TANGO6: variants seen among roughly 807,000 people sequenced by gnomAD.
TANGO6 encodes transport and golgi organization 6 homolog.
TANGO6 carries 90 observed loss-of-function variants against 114.2 expected under a neutral mutation model. The ratio of observed to expected loss-of-function variants is 0.79; its 90% CI spans 0.66 to 0.94. The LOEUF (loss-of-function observed/expected upper bound fraction) is 0.94, where lower values mean the gene tolerates loss of function less well. Ranked by LOEUF, TANGO6 falls within the 40% of genes least tolerant of loss-of-function variation. The probability of loss-of-function intolerance (pLI) is 0.00; values close to 1 mark genes in which losing one functional copy is unlikely to be tolerated. For synonymous variants in TANGO6, 477 were observed against 509.8 expected, an observed-to-expected ratio of 0.94 and a Z score of 0.87; for missense variants, 1,274 against 1,315.3, an observed-to-expected ratio of 0.97 and a Z score of 0.49.
At chr16:68,893,564 C>T (rs145050843) in intron 7 of TANGO6, among the ~76,000 whole-genome samples, 75 of 151,826 alleles carry the variant, frequency 4.9e-4, no homozygotes, top group Middle Eastern at 6.8e-3. Context: ...ATGGTGAAAC[C>T]GTGTCTACTA....
intron 17 of TANGO6, among the ~76,000 whole-genome samples, chr16:69,068,478 G>C (rs1457374371): frequency 1.3e-5 from 2 of 152,256 alleles, no homozygotes; most frequent in East Asian, 1.9e-4. Context: ...AGTTAATGTA[G>C]ACAAAATGCC....
At chr16:68,906,863 G>A (rs763678809) in intron 9 of TANGO6, among the ~76,000 whole-genome samples, 15 of 148,810 alleles carry the variant, frequency 1.0e-4, no homozygotes, top group Non-Finnish European at 1.3e-4. Context: ...GCACAATCTC[G>A]GCTCACTGCA....
At chr16:68,889,962 T>C (rs1962588806) in intron 7 of TANGO6, among the ~76,000 whole-genome samples, 1 of 152,234 alleles carries the variant, frequency 6.6e-6, no homozygotes, top group Non-Finnish European at 1.5e-5. Flanking sequence ...ATACTTGCTA[T>C]ATTAGGTAAC....
intron 17 of TANGO6, among the ~76,000 whole-genome samples, chr16:69,052,031 T>C (rs1402356062): frequency 6.7e-6 from 1 of 150,134 alleles, no homozygotes; most frequent in East Asian, 2.0e-4. Flanking sequence ...CACTGCAGCC[T>C]TGACCTCCTG....
chr16:68,849,035 A>T (rs1406365533), intron 1 of TANGO6, among the ~76,000 whole-genome samples: 1 of 152,124 alleles, frequency 6.6e-6, no homozygotes, highest in East Asian at 1.9e-4. Flanking sequence ...CAGGATATTC[A>T]TTGCTATTGA....
At chr16:68,898,041 T>G (rs570534385) in intron 7 of TANGO6, among the ~76,000 whole-genome samples, 32 of 152,302 alleles carry the variant, frequency 2.1e-4, no homozygotes, top group Admixed American at 3.3e-4. Flanking sequence ...GGGGGCTTAT[T>G]ATTTTTTGTA....
chr16:68,874,173 A>G (rs921902393), intron 4 of TANGO6, among the ~76,000 whole-genome samples: 1 of 152,132 alleles, frequency 6.6e-6, no homozygotes, highest in Non-Finnish European at 1.5e-5. Context: ...GATCTTTGGA[A>G]CTCTCTCTAC....
chr16:68,887,499 A>G (rs1253749189), intron 7 of TANGO6, among the ~76,000 whole-genome samples: 15 of 152,266 alleles, frequency 9.9e-5, no homozygotes, highest in Non-Finnish European at 2.1e-4. Flanking sequence ...CAAAAAGGGC[A>G]TAAGAATTTG....
At chr16:68,890,009 A>G (rs1962589208) in intron 7 of TANGO6, among the ~76,000 whole-genome samples, 1 of 152,192 alleles carries the variant, frequency 6.6e-6, no homozygotes, top group South Asian at 2.1e-4. Flanking sequence ...AGTCTTAATT[A>G]CACTCAGCAA....
intron 15 of TANGO6, among the ~76,000 whole-genome samples, chr16:69,018,791 G>C (rs1225440259): frequency 6.6e-6 from 1 of 152,086 alleles, no homozygotes; most frequent in Non-Finnish European, 1.5e-5. Context: ...GCCGGGCGTG[G>C]TGGCGGGTGC....
At chr16:68,891,422 T>C (rs1392423461) in intron 7 of TANGO6, among the ~76,000 whole-genome samples, 1 of 152,180 alleles carries the variant, frequency 6.6e-6, no homozygotes, top group African/African-American at 2.4e-5. Context: ...ATTGCACCAC[T>C]TCTTTCCAAC....
At position 68,867,185 on chromosome 16, in the gene TANGO6, A is replaced by T; in HGVS notation, c.959A>T (p.Gln320Leu). ...SERLMRPNGV[Q>L]AVVRGILEGA... ...AGGTTAATGAGACCTAATGGTGTTC[A>T]GGCAGTAGTCCGGGGCATTTTGGAA... The change falls in exon 4 of 18, where the codon CAG becomes CTG. Residue 320 changes from glutamine to leucine, a missense_variant. Transcript: ENST00000261778. The T allele has an allele frequency of 6.2e-7, 1 of 1,613,918 alleles. No homozygotes were observed.
intron 15 of TANGO6, among the ~76,000 whole-genome samples, chr16:69,014,013 C>G (rs1484020478): frequency 6.6e-6 from 1 of 152,080 alleles, no homozygotes; most frequent in African/African-American, 2.4e-5. Context: ...TATTGATAGA[C>G]ATAGGATTGA....
intron 14 of TANGO6, among the ~76,000 whole-genome samples, chr16:68,934,264 C>T (rs1479216962): frequency 6.6e-6 from 1 of 151,968 alleles, no homozygotes; most frequent in Non-Finnish European, 1.5e-5. Flanking sequence ...TGCCCAGGCT[C>T]AAACTCCTAG....
intron 11 of TANGO6, among the ~76,000 whole-genome samples, chr16:68,912,550 C>T (rs1367281215): frequency 1.3e-5 from 2 of 152,052 alleles, no homozygotes; most frequent in African/African-American, 2.4e-5. Context: ...AGGAGAATTG[C>T]GTGAACTTGG....
chr16:69,081,668 C>G (rs1437044074), intron 17 of TANGO6, among the ~76,000 whole-genome samples: 1 of 151,942 alleles, frequency 6.6e-6, no homozygotes, highest in Non-Finnish European at 1.5e-5. Context: ...TTTCCCTGTT[C>G]CGTTGAAACC....
chr16:68,972,834 T>G lies in TANGO6; in HGVS notation c.2702-1194T>G, dbSNP rs530370298. Among the ~76,000 whole-genome samples the G allele has an allele frequency of 2.0e-5, 3 of 152,126 alleles. No homozygotes were observed. The South Asian group carries it at 6.2e-4, about 32-fold the overall frequency. ...TTTTATATGTGACAAATGTGATCTG[T>G]GAGCAGAGACATGATAGGGTTTGGG... On this transcript the variant is annotated intron_variant, in intron 14 of 17. Transcript: ENST00000261778.
At chr16:68,872,135 C>T (rs909808677) in intron 4 of TANGO6, among the ~76,000 whole-genome samples, 8 of 150,658 alleles carry the variant, frequency 5.3e-5, no homozygotes, top group African/African-American at 9.7e-5. Flanking sequence ...GCAGAAGAAT[C>T]GCTTGAACCT....
intron 11 of TANGO6, among the ~76,000 whole-genome samples, chr16:68,911,415 CTTTT>C (rs776375913): frequency 3.0e-5 from 4 of 133,608 alleles, no homozygotes; most frequent in African/African-American, 2.7e-5. Context: ...TTTATAGTTT[CTTTT>C]TTTTTTTTTT....
Sources: gnomAD v4.1 joint callset for allele counts (sites outside exome capture counted in the v4.1 genomes callset) on GRCh38, gnomAD v4.1.1 for gene constraint, MANE v1.5 for transcripts, NCBI Gene and HGNC (gene_info 2026-07-23, HGNC 2026-07-21) for gene names.